COL22A1: variants seen among roughly 807,000 people sequenced by gnomAD.
COL22A1 encodes the protein collagen alpha-1(XXII) chain.
COL22A1 carries 221 observed loss-of-function variants against 248.9 expected under a neutral mutation model. The observed-to-expected ratio is 0.89, with a 90% CI of 0.80 to 0.99. COL22A1 has a LOEUF of 0.99. Among genes scored for constraint, COL22A1 ranks in the 50% least tolerant of loss-of-function variants. COL22A1 has a pLI of 0.00. For missense variants in COL22A1, 2,240 were observed against 2,179.0 expected, an observed-to-expected ratio of 1.03 and a Z score of -0.56; for synonymous variants, 891 against 793.4, an observed-to-expected ratio of 1.12 and a Z score of -2.07.
At chr8:138,776,820 TTGAATGACTAACTGACCCAG>T (rs1563749511) in intron 15 of COL22A1, among the ~76,000 whole-genome samples, 2 of 152,222 alleles carry the variant, frequency 1.3e-5, no homozygotes, top group African/African-American at 4.8e-5. Flanking sequence ...TACACATTTG[TTGAATGACTAACTGACCCAG>T]TGAGTGACTG....
At chr8:138,759,369 G>C (rs967094591) in intron 18 of COL22A1, among the ~76,000 whole-genome samples, 1 of 152,202 alleles carries the variant, frequency 6.6e-6, no homozygotes, top group African/African-American at 2.4e-5. Context: ...GATGCTGATC[G>C]GGTCTCAGCC....
At chr8:138,655,281 C>A (rs1823136743) in intron 45 of COL22A1, among the ~76,000 whole-genome samples, 1 of 152,224 alleles carries the variant, frequency 6.6e-6, no homozygotes, top group African/African-American at 2.4e-5. Context: ...CCCAATAAGG[C>A]AGCCACCAGC....
chr8:138,626,788 AT>A (rs1320909774), intron 50 of COL22A1, among the ~76,000 whole-genome samples: 15 of 152,140 alleles, frequency 9.9e-5, no homozygotes, highest in Admixed American at 2.0e-4. Context: ...CTTTCCTTGT[AT>A]TTGAAAAACT....
chr8:138,649,344 G>A (rs1392923442), intron 46 of COL22A1, among the ~76,000 whole-genome samples: 1 of 152,198 alleles, frequency 6.6e-6, no homozygotes, highest in Non-Finnish European at 1.5e-5. Context: ...TAGTAGATAG[G>A]CAAAAGTTGT....
intron 21 of COL22A1, among the ~76,000 whole-genome samples, chr8:138,753,620 C>T (rs1055594684): frequency 2.6e-5 from 4 of 152,144 alleles, no homozygotes; most frequent in Non-Finnish European, 5.9e-5. Context: ...TGTTTGCTTG[C>T]AGTTATTTCT....
chr8:138,800,448 T>C (rs1269284777), intron 11 of COL22A1, among the ~76,000 whole-genome samples: 1 of 152,208 alleles, frequency 6.6e-6, no homozygotes, highest in Non-Finnish European at 1.5e-5. Context: ...GTTCCTCATG[T>C]TGCCATTTCA....
intron 1 of COL22A1, among the ~76,000 whole-genome samples, chr8:138,912,503 G>T (rs569882414): frequency 1.3e-5 from 2 of 152,328 alleles, no homozygotes; most frequent in South Asian, 4.1e-4. Flanking sequence ...CACTCTGGGA[G>T]GCCAAGGTGG....
intron 11 of COL22A1, 95 bp from the exon 12 acceptor site, chr8:138,796,952 G>A: frequency 1.1e-6 from 1 of 874,168 alleles, no homozygotes; most frequent in Non-Finnish European, 2.0e-6. Flanking sequence ...GAAAGGATTA[G>A]ATATTTTCTC....
At chr8:138,797,144 G>T (rs1816617742) in intron 11 of COL22A1, among the ~76,000 whole-genome samples, 1 of 152,156 alleles carries the variant, frequency 6.6e-6, no homozygotes, top group East Asian at 1.9e-4. Flanking sequence ...TACTTAAAAT[G>T]TACAATTCAA....
At chr8:138,850,488 C>T (rs143596966) in intron 3 of COL22A1, among the ~76,000 whole-genome samples, 101 of 152,092 alleles carry the variant, frequency 6.6e-4, no homozygotes, top group African/African-American at 1.2e-3. Flanking sequence ...CAGAAAGATG[C>T]GGCACGAAGA....
intron 3 of COL22A1, among the ~76,000 whole-genome samples, chr8:138,852,894 G>T (rs1821747977): frequency 6.6e-6 from 1 of 152,036 alleles, no homozygotes; most frequent in South Asian, 2.1e-4. Flanking sequence ...TATAATCCCA[G>T]CATTTTGGGA....
intron 4 of COL22A1, among the ~76,000 whole-genome samples, chr8:138,837,803 ATGT>A (rs1263342202): frequency 6.6e-6 from 1 of 152,094 alleles, no homozygotes; most frequent in African/African-American, 2.4e-5. Flanking sequence ...TTAGGATTAG[ATGT>A]TGTCCCAGAG....
chr8:138,897,911 A>G lies in COL22A1; in HGVS notation c.-72-14667T>C, dbSNP rs544252630. Among the ~76,000 whole-genome samples the G allele has an allele frequency of 2.0e-5, 3 of 152,068 alleles. No homozygotes were observed. In the South Asian group the frequency reaches 6.2e-4, roughly 32 times the overall value. On this transcript the variant is annotated intron_variant, in intron 1 of 64. Coordinates refer to ENST00000303045, the MANE Select transcript of COL22A1 (RefSeq NM_152888.3). Reference sequence around the variant, plus strand: ...AGAAATGTATTTCCCACAGTTCTGGAGGCTGGGAAGCACAAGATCAAGGCA... The same window carrying G: ...AGAAATGTATTTCCCACAGTTCTGGGGGCTGGGAAGCACAAGATCAAGGCA...
At chr8:138,606,591 T>G in intron 57 of COL22A1, 139 bp from the exon 58 acceptor site, 1 of 823,270 alleles carries the variant, frequency 1.2e-6, no homozygotes. Context: ...TGGAGGGGCA[T>G]GGGTTAGGAA....
At chr8:138,690,983 C>A (rs557842099) in intron 35 of COL22A1, 109 bp from the exon 36 acceptor site, 2 of 827,336 alleles carry the variant, frequency 2.4e-6, no homozygotes, top group African/African-American at 1.7e-5. Flanking sequence ...TGTGCTGGAA[C>A]TGCTGCTGAC....
chr8:138,807,077 G>C (rs1449325470), intron 10 of COL22A1, among the ~76,000 whole-genome samples: 2 of 152,146 alleles, frequency 1.3e-5, no homozygotes, highest in African/African-American at 2.4e-5. Context: ...GAAGGAAAGA[G>C]AGAGATGAAA....
At chr8:138,737,881 G>C (rs868034856) in intron 22 of COL22A1, among the ~76,000 whole-genome samples, 4 of 152,042 alleles carry the variant, frequency 2.6e-5, no homozygotes, top group African/African-American at 9.7e-5. Context: ...TTTAATCCCA[G>C]TCTCAGCCAC....
At chr8:138,597,562 A>G (rs1470252919) in intron 61 of COL22A1, among the ~76,000 whole-genome samples, 1 of 152,172 alleles carries the variant, frequency 6.6e-6, no homozygotes, top group Non-Finnish European at 1.5e-5. Flanking sequence ...CCAAGCTCAA[A>G]GAGTGGTATG....
chr8:138,898,283 C>A (rs1814278372), intron 1 of COL22A1, among the ~76,000 whole-genome samples: 1 of 152,172 alleles, frequency 6.6e-6, no homozygotes, highest in Non-Finnish European at 1.5e-5. Context: ...TGCACCATCC[C>A]AGTATTGTGA....
Sources: allele counts gnomAD v4.1 joint callset (sites outside exome capture counted in the v4.1 genomes callset), GRCh38; gene constraint gnomAD v4.1.1; transcripts MANE v1.5; gene names NCBI Gene and HGNC (gene_info 2026-07-23, HGNC 2026-07-21).